The following ADAMTS9 variants were observed in gnomAD, a reference collection of about 807,000 sequenced individuals.
ADAMTS9 encodes the protein A disintegrin and metalloproteinase with thrombospondin motifs 9.
In ADAMTS9, 107 loss-of-function variants were observed where a neutral mutation model predicts 257.1. That is an observed-to-expected ratio of 0.42 (90% CI 0.36 to 0.49). The LOEUF (loss-of-function observed/expected upper bound fraction) is 0.49, where lower values mean the gene tolerates loss of function less well. Ranked by LOEUF, ADAMTS9 falls within the 20% of genes least tolerant of loss-of-function variation. The pLI is 0.03. For missense variants in ADAMTS9, 2,353 were observed against 2,469.1 expected, an observed-to-expected ratio of 0.95 and a Z score of 1.00; for synonymous variants, 982 against 880.9, an observed-to-expected ratio of 1.11 and a Z score of -2.03.
Position 64,681,968 on chromosome 3 carries a change from A to AAGCTGGCCTATTG in ADAMTS9, c.517-618_517-606dup, listed in dbSNP as rs569842267. Among the ~76,000 whole-genome samples the AAGCTGGCCTATTG allele has an allele frequency of 1.8e-4, 28 of 152,334 alleles. No homozygotes were observed. The East Asian group carries it at 5.4e-3, about 29-fold the overall frequency. On this transcript the variant is annotated intron_variant, in intron 2 of 39. Transcript: ENST00000498707. Reference sequence around the variant, plus strand: ...GGACAAGTATGCACTCCAGCAGGAAAAGCTGGCCTATTGAAGTCTTCCCAT... The same window carrying AAGCTGGCCTATTG: ...GGACAAGTATGCACTCCAGCAGGAAAAGCTGGCCTATTGAGCTGGCCTATTGAAGTCTTCCCAT...
chr3:64,536,446 C>T (rs1003156375), intron 37 of ADAMTS9, among the ~76,000 whole-genome samples: 6 of 152,100 alleles, frequency 3.9e-5, no homozygotes, highest in African/African-American at 9.7e-5. Context: ...CTAGTTGGTC[C>T]GTAAAGGTTT....
In ADAMTS9 at chr3:64,687,507, G is replaced by C; in HGVS notation, c.115+36C>G. ...GAGCGAGGACCGGGAGGCGGCGTCG[G>C]GGCCGGCGGGGTCCCGGGGGCCGGA... On this transcript the variant is annotated intron_variant, in intron 1 of 39. Transcript: ENST00000498707. The surrounding 1 kb of genome is among the most constrained non-coding windows in gnomAD (Gnocchi z 4.4). The C allele has an allele frequency of 6.7e-7, 1 of 1,484,836 alleles. No homozygotes were observed. The highest frequency in any genetic ancestry group is 9.0e-7 in the Non-Finnish European group (1 of 1,106,606). 92.0% of individuals were successfully genotyped at this position (1,484,836 alleles called of 1,614,324 possible).
Position 64,596,917 on chromosome 3 carries a change from G to A in ADAMTS9, c.4092C>T (p.Asn1364=), listed in dbSNP as rs374058008. 5.4e-5 allele frequency: 87 copies of A among 1,613,934 alleles called. No individual in the cohort carries two copies. Among genetic ancestry groups the A allele is most frequent in the Non-Finnish European group, 6.8e-5 (80 of 1,179,978 alleles). The change falls in exon 27 of 40, where the codon AAC becomes AAT. Residue 1364 remains asparagine (N), a synonymous_variant. Transcript: ENST00000498707. The part of the protein sequence containing the change: ...VCQDENGYTA[N]DCVERIKPDE... The stretch of plus-strand genomic sequence containing the variant: ...CAGGTTTTATTCTCTCCACACAGTC[G>A]TTTGCGGTGTATCCATTTTCATCCT...
chr3:64,543,219 A>G (rs2083150986), intron 32 of ADAMTS9, among the ~76,000 whole-genome samples: 1 of 152,138 alleles, frequency 6.6e-6, no homozygotes, highest in African/African-American at 2.4e-5. Context: ...TCCTTCTGAA[A>G]CTATTCCAAT....
intron 28 of ADAMTS9, among the ~76,000 whole-genome samples, chr3:64,573,079 TA>T (rs57570382): frequency 0.08 from 9,614 of 119,754 alleles, 340 homozygotes; most frequent in African/African-American, 0.11. Context: ...GACTCCATCT[TA>T]AAAAAAAAAA....
At chr3:64,561,903 C>T in intron 29 of ADAMTS9, 152 bp from the exon 30 acceptor site, 1 of 666,966 alleles carries the variant, frequency 1.5e-6, no homozygotes. Flanking sequence ...TGAAAGGGAT[C>T]CTAGATCATG....
chr3:64,561,667 A>C lies in ADAMTS9; in HGVS notation c.4609T>G (p.Cys1537Gly). 1 of 1,613,832 alleles carries C rather than the reference A, an allele frequency of 6.2e-7. No homozygotes were observed. The highest frequency in any genetic ancestry group is 8.5e-7 in the Non-Finnish European group (1 of 1,179,962). The part of the protein sequence containing the change: ...GTHKIARETE[C>G]NPYTRPESER... Reference sequence around the variant, plus strand: ...GACTCCGGTCTGGTGTATGGGTTGCACTCGGTCTCTCTGGCTATTTTGTGT... The same window carrying C: ...GACTCCGGTCTGGTGTATGGGTTGCCCTCGGTCTCTCTGGCTATTTTGTGT... Residue 1537 changes from cysteine to glycine, a missense_variant, in exon 30 of 40, where the codon TGC becomes GGC. Physicochemically the swap from Cys to Gly is radical, Grantham distance 159. Around this residue, in one of 3 missense-constraint regions of ADAMTS9, gnomAD observed 1,402 missense variants for 1,441.4 expected, o/e 0.97. Transcript: ENST00000498707.
chr3:64,615,865 C>G, intron 20 of ADAMTS9, 95 bp downstream of exon 20: 4 of 1,441,642 alleles, frequency 2.8e-6, no homozygotes. Context: ...TCATCTCTTC[C>G]GCACAGCCTA....
At chr3:64,636,312 G>C (rs979439278) in intron 12 of ADAMTS9, among the ~76,000 whole-genome samples, 5 of 152,108 alleles carry the variant, frequency 3.3e-5, no homozygotes, top group Non-Finnish European at 5.9e-5. Context: ...CTGTATGTGA[G>C]AGGCAATACT....
chr3:64,608,548 G>A (rs147795968), intron 22 of ADAMTS9, among the ~76,000 whole-genome samples: 39 of 152,010 alleles, frequency 2.6e-4, no homozygotes, highest in Admixed American at 1.0e-3. Flanking sequence ...GCCAACTTAC[G>A]CAGATTGCCT....
chr3:64,566,654 T>A (rs2083552500), intron 29 of ADAMTS9, among the ~76,000 whole-genome samples: 2 of 152,300 alleles, frequency 1.3e-5, no homozygotes, highest in East Asian at 3.9e-4. Context: ...CTTTTAATTA[T>A]CCTTTGTGAA....
intron 22 of ADAMTS9, among the ~76,000 whole-genome samples, chr3:64,608,258 C>CAAAAAAAAAAA (rs57247914): frequency 6.6e-4 from 35 of 53,160 alleles, no homozygotes; most frequent in East Asian, 9.7e-4. Context: ...AAACTAAAAC[C>CAAAAAAAAAAA]AAAAAAAAAA....
Position 64,616,163 on chromosome 3 carries a change from C to T in ADAMTS9, c.2821G>A (p.Val941Ile). The change falls in exon 20 of 40, where the codon GTT becomes ATT. Residue 941 changes from valine (V) to isoleucine (I), a missense_variant. This residue lies in a region of ADAMTS9 where 1,402 missense variants were observed against 1,441.4 expected (regional missense o/e 0.97). Transcript: ENST00000498707. ...CGTDCDLRWH[V>I]ASRSECSAQC... ...GCACTACATTCACTCCTGCTGGCAA[C>T]ATGCCACCTATGCAAAAATAATGGG... 6.2e-7 allele frequency: 1 copy of T among 1,614,076 alleles called. No individual in the cohort carries two copies. The highest frequency in any genetic ancestry group is 8.5e-7 in the Non-Finnish European group (1 of 1,179,942).
intron 28 of ADAMTS9, among the ~76,000 whole-genome samples, chr3:64,581,671 G>C (rs2084004279): frequency 6.6e-6 from 1 of 152,146 alleles, no homozygotes; most frequent in Admixed American, 6.5e-5. Flanking sequence ...TAATTTTAAA[G>C]GGCTTTTCAC....
intron 39 of ADAMTS9, among the ~76,000 whole-genome samples, chr3:64,517,966 T>C (rs2082801680): frequency 6.6e-6 from 1 of 152,114 alleles, no homozygotes; most frequent in Non-Finnish European, 1.5e-5. Flanking sequence ...TCTCAGATCC[T>C]TGGATGTTGT....
intron 38 of ADAMTS9, among the ~76,000 whole-genome samples, chr3:64,529,747 G>A (rs1373302971): frequency 6.6e-6 from 1 of 152,166 alleles, no homozygotes; most frequent in African/African-American, 2.4e-5. Flanking sequence ...CAGATCAGGG[G>A]CATCAGCATC....
intron 30 of ADAMTS9, among the ~76,000 whole-genome samples, chr3:64,554,162 C>T (rs2083302731): frequency 6.6e-6 from 1 of 152,092 alleles, no homozygotes; most frequent in South Asian, 2.1e-4. Context: ...AGTAACAGTT[C>T]AGAGCAGAAA....
intron 26 of ADAMTS9, among the ~76,000 whole-genome samples, chr3:64,600,976 C>G (rs2084448917): frequency 1.3e-5 from 2 of 152,158 alleles, no homozygotes; most frequent in Non-Finnish European, 2.9e-5. Flanking sequence ...TAGTAAACAC[C>G]TAACTACGTC....
At position 64,568,259 on chromosome 3, in the gene ADAMTS9, C is replaced by A. The variant is rs1345323678; in HGVS notation, c.4524+109G>T. The A allele has an allele frequency of 3.3e-6, 4 of 1,206,184 alleles. No individual in the cohort carries two copies. The African/African-American group carries it at 4.6e-5, about 14-fold the overall frequency. 74.7% of individuals were successfully genotyped at this position (1,206,184 alleles called of 1,614,324 possible). A position where few individuals can be genotyped will look rare whatever the true frequency, so the allele number is the denominator to read the frequency against. ...TGATTCTCCCCTCCCAGTCCCCGAG[C>A]TCCCCTCGGTAAAACCAAAACCGTG... is the stretch of plus-strand genomic sequence containing the variant. On this transcript the variant is annotated intron_variant, in intron 29 of 39. Transcript: ENST00000498707.
Sources: allele counts gnomAD v4.1 joint callset (sites outside exome capture counted in the v4.1 genomes callset), GRCh38; gene constraint gnomAD v4.1.1; regional missense constraint gnomAD v4.1.1; non-coding constraint Gnocchi (gnomAD v3.1); transcripts MANE v1.5; gene names NCBI Gene and HGNC (gene_info 2026-07-23, HGNC 2026-07-21).